The following ACOT7 variants were observed in gnomAD, a reference collection of about 807,000 sequenced individuals.
ACOT7 encodes cytosolic acyl coenzyme A thioester hydrolase.
A neutral mutation model predicts 40.2 loss-of-function variants in ACOT7; 12 were observed. That is an observed-to-expected ratio of 0.30 (90% CI 0.19 to 0.48). The LOEUF (loss-of-function observed/expected upper bound fraction) is 0.48, where lower values mean the gene tolerates loss of function less well. Among genes scored for constraint, ACOT7 ranks in the 20% least tolerant of loss-of-function variants. The probability of loss-of-function intolerance (pLI) is 0.99; values close to 1 mark genes in which losing one functional copy is unlikely to be tolerated. For missense variants in ACOT7, 395 were observed against 530.8 expected (o/e 0.74, Z 2.51); for synonymous variants, 228 against 219.5 (o/e 1.04, Z -0.34).
rs959392387 is a variant in ACOT7 at position 6,355,799 on chromosome 1, C to T, written c.144-5933G>A. Among the ~76,000 whole-genome samples, 1 of 152,198 alleles carries T rather than the reference C, an allele frequency of 6.6e-6. No individual in the cohort carries two copies. Among genetic ancestry groups the T allele is most frequent in the African/African-American group, 2.4e-5 (1 of 41,452 alleles). ...TACAGCAGCGGCCCTGGGGTCCAGC[C>T]CACATCCTCGCAGGACAGCCCGAGC... is the stretch of plus-strand genomic sequence containing the variant. On this transcript the variant is annotated intron_variant, in intron 1 of 8. Transcript: ENST00000361521. This position sits in a 1 kb window ranked among gnomAD's most constrained non-coding sequence, Gnocchi z 5.0.
At chr1:6,329,868 G>GC (rs1475427758) in intron 4 of ACOT7, among the ~76,000 whole-genome samples, 2 of 152,190 alleles carry the variant, frequency 1.3e-5, no homozygotes, top group Admixed American at 6.5e-5. Flanking sequence ...GGCTGCGGCT[G>GC]CCCCTCTGGT....
chr1:6,314,042 G>C (rs549451371), intron 6 of ACOT7, among the ~76,000 whole-genome samples: 1 of 152,206 alleles, frequency 6.6e-6, no homozygotes, highest in African/African-American at 2.4e-5. Context: ...AATGAGCAAC[G>C]TGGAGGAGGA....
At chr1:6,280,021 A>G (rs1226351238) in intron 8 of ACOT7, among the ~76,000 whole-genome samples, 3 of 152,184 alleles carry the variant, frequency 2.0e-5, no homozygotes, top group Non-Finnish European at 4.4e-5. Flanking sequence ...CTGAGCAGCA[A>G]ATGCTTGCGG....
chr1:6,376,631 G>A (rs1642237671), intron 1 of ACOT7, among the ~76,000 whole-genome samples: 1 of 151,870 alleles, frequency 6.6e-6, no homozygotes, highest in African/African-American at 2.4e-5. Flanking sequence ...GGAGGCTGAG[G>A]CAGGAGAATA....
intron 8 of ACOT7, among the ~76,000 whole-genome samples, chr1:6,269,895 CGGGCGGCCTTCCTCCCTGAGTGCCCAG>C (rs1283556115): frequency 6.6e-6 from 1 of 152,236 alleles, no homozygotes; most frequent in Non-Finnish European, 1.5e-5. Context: ...TCCCAAGGTG[CGGGCGGCCTTCCTCCCTGAGTGCCCAG>C]GGGCGCCCTT....
chr1:6,345,064 T>A (rs1641382974), intron 2 of ACOT7, among the ~76,000 whole-genome samples: 1 of 152,114 alleles, frequency 6.6e-6, no homozygotes, highest in Non-Finnish European at 1.5e-5. Context: ...GATCCAAAAC[T>A]TCAATACATG....
chr1:6,374,300 G>A (rs1642186187), intron 1 of ACOT7, among the ~76,000 whole-genome samples: 1 of 152,244 alleles, frequency 6.6e-6, no homozygotes, highest in African/African-American at 2.4e-5. Context: ...TGCCCAGCCA[G>A]GCACTGGTTA....
At chr1:6,348,984 A>G (rs567135005) in intron 2 of ACOT7, among the ~76,000 whole-genome samples, 7 of 152,302 alleles carry the variant, frequency 4.6e-5, no homozygotes, top group Non-Finnish European at 7.4e-5. Flanking sequence ...GAGGCCACAG[A>G]AGGTGTGCTG....
chr1:6,382,942 G>C (rs1033672468), intron 1 of ACOT7, among the ~76,000 whole-genome samples: 1 of 151,010 alleles, frequency 6.6e-6, no homozygotes, highest in Non-Finnish European at 1.5e-5. Context: ...GCAATGTCAC[G>C]ATCTTGGATC....
chr1:6,325,358 A>G (rs1311353268), intron 5 of ACOT7, among the ~76,000 whole-genome samples: 11 of 151,792 alleles, frequency 7.2e-5, no homozygotes, highest in African/African-American at 1.7e-4. Context: ...AGATCGCGCC[A>G]CTGCACTCCA....
chr1:6,308,411 C>T (rs1026843324), intron 6 of ACOT7, among the ~76,000 whole-genome samples: 10 of 144,628 alleles, frequency 6.9e-5, no homozygotes, highest in African/African-American at 2.6e-4. Context: ...CAGAGGGAAC[C>T]ACAACAGGCA....
At position 6,393,366 on chromosome 1, in the gene ACOT7, C is replaced by T; in HGVS notation, c.34G>A (p.Gly12Ser). ...ARPGLIHSAPGLPDTCALLQP... is the reference protein window; with the variant it reads ...ARPGLIHSAPSLPDTCALLQP... ...AGAAGGGCGCAGGTGTCTGGCAGGCCCGGCGCGGAATGAATGAGCCCGGGC... is the reference window on the plus strand; with the variant it reads ...AGAAGGGCGCAGGTGTCTGGCAGGCTCGGCGCGGAATGAATGAGCCCGGGC... Residue 12 changes from glycine to serine, a missense_variant, in exon 1 of 9, where the codon GGC becomes AGC. This residue lies in a region of ACOT7 where 86 missense variants were observed against 60.5 expected (regional missense o/e 1.42). Coordinates refer to ENST00000361521, the MANE Select transcript of ACOT7 (RefSeq NM_007274.4). The T allele has an allele frequency of 8.1e-7, 1 of 1,238,566 alleles. No individual in the cohort carries two copies. Among genetic ancestry groups the T allele is most frequent in the Non-Finnish European group, 1.0e-6 (1 of 989,264 alleles). 76.7% of individuals were successfully genotyped at this position (1,238,566 alleles called of 1,614,324 possible). A position where few individuals can be genotyped will look rare whatever the true frequency, so the allele number is the denominator to read the frequency against.
chr1:6,286,446 A>T (rs946240558), intron 7 of ACOT7, among the ~76,000 whole-genome samples: 7 of 152,280 alleles, frequency 4.6e-5, no homozygotes, highest in Non-Finnish European at 8.8e-5. Flanking sequence ...GGGCTCTTCG[A>T]GGCCCTGGAG....
intron 6 of ACOT7, chr1:6,295,396 T>A: frequency 6.1e-6 from 1 of 164,768 alleles, no homozygotes; most frequent in Non-Finnish European, 1.3e-5. Context: ...TTGGAAACAG[T>A]TTGAAGTTTC....
At position 6,264,520 on chromosome 1, in the gene ACOT7, G is replaced by T; in HGVS notation, c.*77C>A. 1 of 1,414,842 alleles carries T rather than the reference G, an allele frequency of 7.1e-7. No homozygotes were observed. The highest frequency in any genetic ancestry group is 9.6e-7 in the Non-Finnish European group (1 of 1,042,278). The allele number at this position is 1,414,842 out of a possible 1,614,324, so 87.6% of individuals were successfully genotyped here. A position where few individuals can be genotyped will look rare whatever the true frequency, so the allele number is the denominator to read the frequency against. On this transcript the variant is annotated 3_prime_UTR_variant, in exon 9 of 9. Transcript: ENST00000361521. The stretch of plus-strand genomic sequence containing the variant: ...CAATGTGAATTGGGTTTTTGGCCAA[G>T]GGGGGAACTTCTAAGTGACTGGACA...
chr1:6,301,432 T>C lies in ACOT7; in HGVS notation c.713-6452A>G, dbSNP rs987480859. 8.5e-5 allele frequency among the ~76,000 whole-genome samples: 13 copies of C among 152,134 alleles called. No individual in the cohort carries two copies. The highest frequency in any genetic ancestry group is 1.6e-4 in the Non-Finnish European group (11 of 68,028). On this transcript the variant is annotated intron_variant, in intron 6 of 8. Coordinates refer to ENST00000361521, the MANE Select transcript of ACOT7 (RefSeq NM_007274.4). The surrounding 1 kb of genome is among the most constrained non-coding windows in gnomAD (Gnocchi z 4.1). ...CCCGAGGGGAAGATGTGAGCGGCTA[T>C]TGAGTGCCTGGTGTGCGAATACCCT...
At chr1:6,377,284 C>T (rs1642249839) in intron 1 of ACOT7, among the ~76,000 whole-genome samples, 1 of 152,082 alleles carries the variant, frequency 6.6e-6, no homozygotes, top group South Asian at 2.1e-4. Flanking sequence ...GCTTATAATC[C>T]TAGCACTTTG....
In ACOT7 at chr1:6,289,391, C is replaced by T. The variant is rs765428602; in HGVS notation, c.829+5473G>A. ...CTGGGATTACAGGAGTGAGCCACCA[C>T]GCCCAGCCTGTTTTTGTTTTTTAAA... On this transcript the variant is annotated intron_variant, in intron 7 of 8. Coordinates refer to ENST00000361521, the MANE Select transcript of ACOT7 (RefSeq NM_007274.4). The surrounding 1 kb of genome is among the most constrained non-coding windows in gnomAD (Gnocchi z 4.6). Among the ~76,000 whole-genome samples, 6 of 151,714 alleles carry T rather than the reference C, an allele frequency of 4.0e-5. No individual in the cohort carries two copies. The highest frequency in any genetic ancestry group is 7.4e-5 in the Non-Finnish European group (5 of 67,950).
At chr1:6,313,765 G>A (rs1274860561) in intron 6 of ACOT7, among the ~76,000 whole-genome samples, 1 of 152,144 alleles carries the variant, frequency 6.6e-6, no homozygotes, top group African/African-American at 2.4e-5. Context: ...CCAGCACCAC[G>A]GGGCTGCCTA....
Sources: allele counts gnomAD v4.1 joint callset (sites outside exome capture counted in the v4.1 genomes callset), GRCh38; gene constraint gnomAD v4.1.1; regional missense constraint gnomAD v4.1.1; non-coding constraint Gnocchi (gnomAD v3.1); transcripts MANE v1.5; gene names NCBI Gene and HGNC (gene_info 2026-07-23, HGNC 2026-07-21).